The following MYCBP2 variants were observed in gnomAD, a reference collection of about 807,000 sequenced individuals.
The protein encoded by MYCBP2 is MYC binding protein 2.
In MYCBP2, 120 loss-of-function variants were observed where a neutral mutation model predicts 525.3. The observed-to-expected ratio is 0.23, with a 90% CI of 0.20 to 0.27. The LOEUF (loss-of-function observed/expected upper bound fraction) is 0.27. MYCBP2 is among the 10% of genes least tolerant of loss of function. MYCBP2 has a pLI of 1.00. For missense variants in MYCBP2, 4,149 were observed against 5,657.1 expected (o/e 0.73, Z 8.55); for synonymous variants, 1,894 against 1,955.8 (o/e 0.97, Z 0.83).
chr13:77,243,039 T>C lies in MYCBP2; in HGVS notation c.2629+20A>G. On this transcript the variant is annotated intron_variant, in intron 17 of 82. Coordinates refer to ENST00000544440, the MANE Select transcript of MYCBP2 (RefSeq NM_015057.5). Reference sequence around the variant, plus strand: ...GGAAAGTGGATTTTCATGTACTTTTTCTCTGTAGCTACATCTTACCTCTTC... The same window carrying C: ...GGAAAGTGGATTTTCATGTACTTTTCCTCTGTAGCTACATCTTACCTCTTC... 3 of 1,607,134 alleles carry C rather than the reference T, an allele frequency of 1.9e-6. No individual in the cohort carries two copies. The highest frequency in any genetic ancestry group is 2.6e-6 in the Non-Finnish European group (3 of 1,173,680).
At chr13:77,278,705 T>C (rs2075878656) in intron 4 of MYCBP2, 53 bp downstream of exon 4, 3 of 1,393,484 alleles carry the variant, frequency 2.2e-6, no homozygotes, top group East Asian at 2.7e-5. Flanking sequence ...CAATACTCTA[T>C]TATTAATTAT....
Position 77,081,769 on chromosome 13 carries a change from C to T in MYCBP2, c.11193+68G>A. 1 of 1,550,194 alleles carries T rather than the reference C, an allele frequency of 6.5e-7. No homozygotes were observed. The highest frequency in any genetic ancestry group is 8.7e-7 in the Non-Finnish European group (1 of 1,146,502). ...ACAGGATCAAATTGATTATGAATAA[C>T]TTACAGTTTCTCCTTTGATGTATTA... On this transcript the variant is annotated intron_variant, in intron 64 of 82. Transcript: ENST00000544440. This position sits in a 1 kb window ranked among gnomAD's most constrained non-coding sequence, Gnocchi z 4.6.
At chr13:77,146,085 T>A (rs1479006944) in intron 48 of MYCBP2, 77 bp downstream of exon 48, 1 of 910,034 alleles carries the variant, frequency 1.1e-6, no homozygotes, top group Non-Finnish European at 1.7e-6. Context: ...GAAAATAAAG[T>A]TGAAATGCAG....
chr13:77,082,471 T>C (rs1456085411), intron 63 of MYCBP2, among the ~76,000 whole-genome samples: 3 of 152,170 alleles, frequency 2.0e-5, no homozygotes, highest in Non-Finnish European at 4.4e-5. Context: ...CATCAATCTA[T>C]TTCTTGTATA....
chr13:77,128,650 A>C (rs1319593043), intron 52 of MYCBP2, among the ~76,000 whole-genome samples: 1 of 151,964 alleles, frequency 6.6e-6, no homozygotes, highest in Non-Finnish European at 1.5e-5. Context: ...GACAGACATA[A>C]AGTCATAGAA....
chr13:77,103,303 T>C, intron 55 of MYCBP2: 1 of 397,608 alleles, frequency 2.5e-6, no homozygotes, highest in Admixed American at 4.4e-5. Context: ...GGTTGCGAGA[T>C]GGAGATTCTA....
At chr13:77,062,913 A>G (rs1345121113) in intron 73 of MYCBP2, among the ~76,000 whole-genome samples, 1 of 152,228 alleles carries the variant, frequency 6.6e-6, no homozygotes, top group African/African-American at 2.4e-5. Context: ...CTACTGAACA[A>G]GTGACTGTTT....
chr13:77,287,120 C>A (rs1385985839), intron 3 of MYCBP2, among the ~76,000 whole-genome samples: 2 of 151,216 alleles, frequency 1.3e-5, no homozygotes, highest in Non-Finnish European at 2.9e-5. Flanking sequence ...ATCTCCTGAC[C>A]TCGTGATCCG....
At chr13:77,045,877 CAG>C (rs1566252972) in intron 82 of MYCBP2, among the ~76,000 whole-genome samples, 2 of 152,038 alleles carry the variant, frequency 1.3e-5, no homozygotes, top group Non-Finnish European at 2.9e-5. Flanking sequence ...GAATAGAAAA[CAG>C]GGAGATTTTT....
At chr13:77,206,257 CTG>C (rs2063323648) in intron 24 of MYCBP2, among the ~76,000 whole-genome samples, 3 of 151,320 alleles carry the variant, frequency 2.0e-5, no homozygotes, top group Admixed American at 2.0e-4. Flanking sequence ...CTGTGGAAAA[CTG>C]TGTTATATAA....
intron 76 of MYCBP2, among the ~76,000 whole-genome samples, chr13:77,059,987 A>C (rs763941388): frequency 6.6e-6 from 1 of 152,316 alleles, no homozygotes; most frequent in Non-Finnish European, 1.5e-5. Context: ...ATAAAAATAC[A>C]CAGAAGTTAG....
At chr13:77,140,516 C>A (rs1389258489) in intron 50 of MYCBP2, among the ~76,000 whole-genome samples, 1 of 152,064 alleles carries the variant, frequency 6.6e-6, no homozygotes, top group African/African-American at 2.4e-5. Flanking sequence ...TACCAAAATG[C>A]CTGTACTTAC....
intron 52 of MYCBP2, among the ~76,000 whole-genome samples, chr13:77,135,581 T>C (rs2053623236): frequency 1.3e-5 from 2 of 152,324 alleles, no homozygotes; most frequent in South Asian, 4.2e-4. Flanking sequence ...GAGTCCTCAG[T>C]TAATACCTGT....
intron 2 of MYCBP2, among the ~76,000 whole-genome samples, chr13:77,293,718 C>T (rs928623553): frequency 1.3e-5 from 2 of 151,982 alleles, no homozygotes; most frequent in South Asian, 2.1e-4. Flanking sequence ...TCAGTGATGC[C>T]GCATGAGAAA....
chr13:77,059,494 T>G (rs1250134021), intron 77 of MYCBP2, 29 bp downstream of exon 77: 14 of 1,499,076 alleles, frequency 9.3e-6, no homozygotes, highest in African/African-American at 1.4e-5. Flanking sequence ...ACATGGACAA[T>G]GGGATGGCCT....
intron 1 of MYCBP2, among the ~76,000 whole-genome samples, chr13:77,314,934 A>T (rs1418207927): frequency 6.6e-6 from 1 of 152,012 alleles, no homozygotes; most frequent in Admixed American, 6.5e-5. Flanking sequence ...TTAAAAAAAT[A>T]TTTTTTTTAA....
chr13:77,292,228 C>T (rs1332720901), intron 2 of MYCBP2, among the ~76,000 whole-genome samples: 1 of 152,140 alleles, frequency 6.6e-6, no homozygotes, highest in Admixed American at 6.5e-5. Context: ...AAGCCTATGC[C>T]ATAACTTCCT....
chr13:77,147,628 A>C (rs1248837316), intron 47 of MYCBP2, among the ~76,000 whole-genome samples: 2 of 152,094 alleles, frequency 1.3e-5, no homozygotes. Flanking sequence ...ACCTACTCAA[A>C]AGTTACACAT....
At chr13:77,046,078 T>A (rs2035504635) in intron 82 of MYCBP2, among the ~76,000 whole-genome samples, 1 of 152,200 alleles carries the variant, frequency 6.6e-6, no homozygotes, top group African/African-American at 2.4e-5. Flanking sequence ...TGAACAATGT[T>A]ATAAAATACA....
Sources: gnomAD v4.1 joint callset for allele counts (sites outside exome capture counted in the v4.1 genomes callset) on GRCh38, gnomAD v4.1.1 for gene constraint, Gnocchi (gnomAD v3.1) non-coding constraint, MANE v1.5 for transcripts, NCBI Gene and HGNC (gene_info 2026-07-23, HGNC 2026-07-21) for gene names.